RASAL2: variants seen among roughly 807,000 people sequenced by gnomAD.
RASAL2 encodes ras GTPase-activating protein nGAP.
A neutral mutation model predicts 128.9 loss-of-function variants in RASAL2; 58 were observed. That is an observed-to-expected ratio of 0.45 (90% CI 0.36 to 0.56). The LOEUF is 0.56. Among genes scored for constraint, RASAL2 ranks in the 20% least tolerant of loss-of-function variants. RASAL2 has a pLI of 0.00. For synonymous variants in RASAL2, 561 were observed against 580.8 expected, an observed-to-expected ratio of 0.97 and a Z score of 0.49; for missense variants, 1,360 against 1,601.6, an observed-to-expected ratio of 0.85 and a Z score of 2.57.
intron 1 of RASAL2, among the ~76,000 whole-genome samples, chr1:178,124,071 C>G (rs1282300494): frequency 6.6e-6 from 1 of 152,158 alleles, no homozygotes; most frequent in African/African-American, 2.4e-5. Context: ...GAAAGTAGAC[C>G]TGCTCTGGTT....
chr1:178,185,848 T>C (rs1662273307), intron 1 of RASAL2, among the ~76,000 whole-genome samples: 1 of 152,140 alleles, frequency 6.6e-6, no homozygotes, highest in African/African-American at 2.4e-5. Flanking sequence ...ATTGTTTTCC[T>C]TTCTTGTAAT....
At chr1:178,304,147 C>T (rs1181546299) in intron 3 of RASAL2, among the ~76,000 whole-genome samples, 2 of 152,100 alleles carry the variant, frequency 1.3e-5, no homozygotes, top group Admixed American at 6.6e-5. Flanking sequence ...TATACTATTA[C>T]AAAGTACACA....
chr1:178,214,363 C>T (rs1558119061), intron 1 of RASAL2, among the ~76,000 whole-genome samples: 1 of 152,128 alleles, frequency 6.6e-6, no homozygotes, highest in Non-Finnish European at 1.5e-5. Flanking sequence ...GTAGTAGTTA[C>T]TGTAGCCATA....
chr1:178,293,010 G>T (rs1667347453), intron 2 of RASAL2, among the ~76,000 whole-genome samples: 1 of 152,088 alleles, frequency 6.6e-6, no homozygotes, highest in South Asian at 2.1e-4. Flanking sequence ...CAGTCTTTGT[G>T]CAAATAGCTA....
chr1:178,401,107 C>A (rs1473127035), intron 4 of RASAL2, among the ~76,000 whole-genome samples: 1 of 152,184 alleles, frequency 6.6e-6, no homozygotes, highest in African/African-American at 2.4e-5. Context: ...ATATCTTATT[C>A]ATCTCATAAC....
At chr1:178,353,162 C>T (rs1670608632) in intron 3 of RASAL2, among the ~76,000 whole-genome samples, 2 of 152,254 alleles carry the variant, frequency 1.3e-5, no homozygotes, top group Non-Finnish European at 2.9e-5. Context: ...TCTTCTACCA[C>T]ATGGCCAGGC....
At chr1:178,113,506 C>CCGCG (rs1659410505) in intron 1 of RASAL2, among the ~76,000 whole-genome samples, 1 of 105,798 alleles carries the variant, frequency 9.5e-6, no homozygotes, top group African/African-American at 4.0e-5. Context: ...GCATGCATGC[C>CCGCG]TGCGAGTGTG....
At position 178,458,967 on chromosome 1, in the gene RASAL2, A is replaced by G. The variant is rs565819667; in HGVS notation, c.3252+423A>G. Among the ~76,000 whole-genome samples the G allele has an allele frequency of 2.6e-5, 4 of 152,360 alleles. No individual in the cohort carries two copies. In the South Asian group the frequency reaches 8.3e-4, roughly 32 times the overall value. ...GTTTGCATTCCGAGCCAAGAGTTTA[A>G]TATGACTGCTCTCCATTCCATCCCT... On this transcript the variant is annotated intron_variant, in intron 14 of 17. Coordinates refer to ENST00000367649, the MANE Select transcript of RASAL2 (RefSeq NM_170692.4).
intron 4 of RASAL2, among the ~76,000 whole-genome samples, chr1:178,390,493 C>G (rs1335400891): frequency 6.6e-6 from 1 of 152,162 alleles, no homozygotes; most frequent in Non-Finnish European, 1.5e-5. Context: ...ATTCTCCTGC[C>G]TCAGCCTCCG....
chr1:178,363,818 C>T (rs186749286), intron 3 of RASAL2, among the ~76,000 whole-genome samples: 4 of 152,124 alleles, frequency 2.6e-5, no homozygotes, highest in East Asian at 1.9e-4. Context: ...ATAAAAAGGC[C>T]GGGTGCGGTG....
chr1:178,367,037 A>G (rs930599375), intron 3 of RASAL2, among the ~76,000 whole-genome samples: 2 of 152,210 alleles, frequency 1.3e-5, no homozygotes, highest in Non-Finnish European at 2.9e-5. Context: ...AAATCACTTT[A>G]AAAGGATGAA....
intron 3 of RASAL2, among the ~76,000 whole-genome samples, chr1:178,340,132 G>A (rs1177316342): frequency 6.6e-6 from 1 of 151,902 alleles, no homozygotes; most frequent in Non-Finnish European, 1.5e-5. Context: ...ATTTTAATGT[G>A]TATAATACAT....
chr1:178,333,829 A>T (rs1367760779), intron 3 of RASAL2, among the ~76,000 whole-genome samples: 1 of 152,150 alleles, frequency 6.6e-6, no homozygotes, highest in East Asian at 1.9e-4. Flanking sequence ...CTCCTAGAGG[A>T]TTTTTCAGTT....
chr1:178,279,862 CTT>C (rs928582442), intron 1 of RASAL2, among the ~76,000 whole-genome samples: 2 of 152,126 alleles, frequency 1.3e-5, no homozygotes, highest in African/African-American at 4.8e-5. Flanking sequence ...GAGATCAAAA[CTT>C]TTCTGAAGAT....
intron 1 of RASAL2, among the ~76,000 whole-genome samples, chr1:178,132,747 T>C (rs1660165835): frequency 1.3e-5 from 2 of 151,912 alleles, no homozygotes; most frequent in South Asian, 4.1e-4. Flanking sequence ...TTGTTTTGAT[T>C]CACCTTTTAC....
intron 3 of RASAL2, among the ~76,000 whole-genome samples, chr1:178,336,434 T>G (rs1669588396): frequency 6.6e-6 from 1 of 152,048 alleles, no homozygotes. Flanking sequence ...GTTGCAAATA[T>G]TCTTTAAAAC....
intron 1 of RASAL2, among the ~76,000 whole-genome samples, chr1:178,122,591 T>A (rs1659756348): frequency 6.6e-6 from 1 of 152,232 alleles, no homozygotes. Context: ...AAATGAAGAC[T>A]GATTCATGAA....
intron 1 of RASAL2, among the ~76,000 whole-genome samples, chr1:178,141,178 C>CTTTTG (rs1424689851): frequency 3.6e-5 from 4 of 109,838 alleles, no homozygotes; most frequent in African/African-American, 1.3e-4. Context: ...CTGGAGACCA[C>CTTTTG]TTTTCTTTTC....
intron 1 of RASAL2, among the ~76,000 whole-genome samples, chr1:178,236,175 T>C (rs975858660): frequency 1.3e-5 from 2 of 152,290 alleles, no homozygotes; most frequent in Admixed American, 1.3e-4. Flanking sequence ...TCTGACCCAG[T>C]GTGGTCATGG....
Sources: allele counts gnomAD v4.1 joint callset (sites outside exome capture counted in the v4.1 genomes callset), GRCh38; gene constraint gnomAD v4.1.1; transcripts MANE v1.5; gene names NCBI Gene and HGNC (gene_info 2026-07-23, HGNC 2026-07-21).